DENND3: variants seen among roughly 807,000 people sequenced by gnomAD.
DENND3 encodes the protein DENN domain-containing protein 3.
Under a neutral mutation model 135.1 loss-of-function variants are expected in DENND3, and 88 were observed. That is an observed-to-expected ratio of 0.65 (90% confidence interval 0.55 to 0.78). DENND3 has a LOEUF of 0.78. Among genes scored for constraint, DENND3 ranks in the 30% least tolerant of loss-of-function variants. DENND3 has a pLI of 0.00. For missense variants in DENND3, 1,392 were observed against 1,688.4 expected, an observed-to-expected ratio of 0.82 and a Z score of 3.08; for synonymous variants, 693 against 712.3, an observed-to-expected ratio of 0.97 and a Z score of 0.43.
rs1017866106 is a variant in DENND3 at position 141,146,979 on chromosome 8, C to T, written c.735+2720C>T. 1.3e-5 allele frequency among the ~76,000 whole-genome samples: 2 copies of T among 152,166 alleles called. No individual in the cohort carries two copies. Among genetic ancestry groups the T allele is most frequent in the Admixed American group, 6.5e-5 (1 of 15,270 alleles). ...AGGGTCAGCAGTAATGAGCTGCACT[C>T]GGCCTTTGAACATAAGGAATGCGTG... On this transcript the variant is annotated intron_variant, in intron 5 of 22. Transcript: ENST00000519811. The surrounding 1 kb of genome is among the most constrained non-coding windows in gnomAD (Gnocchi z 4.3).
intron 13 of DENND3, among the ~76,000 whole-genome samples, chr8:141,170,011 G>A (rs984103355): frequency 6.6e-6 from 1 of 152,226 alleles, no homozygotes; most frequent in African/African-American, 2.4e-5. Context: ...CGGGCTTGGC[G>A]GGGGCCGCGC....
chr8:141,166,226 C>A lies in DENND3; in HGVS notation c.1590C>A (p.Thr530=). The change falls in exon 12 of 23, where the codon ACC becomes ACA. Residue 530 remains threonine (T), a synonymous_variant. Transcript: ENST00000519811. This position sits in a 1 kb window ranked among gnomAD's most constrained non-coding sequence, Gnocchi z 4.3. ...NGMLLSPRRP[T]VEKRASRKSS... ...TGCTTCTAAGTCCAAGGAGACCGAC[C>A]GTTGAGAAAAGAGCCTCCCGGAAGT... 6.2e-7 allele frequency: 1 copy of A among 1,614,180 alleles called. No individual in the cohort carries two copies. The highest frequency in any genetic ancestry group is 8.5e-7 in the Non-Finnish European group (1 of 1,180,034).
chr8:141,160,324 G>A (rs1262253253), intron 8 of DENND3, among the ~76,000 whole-genome samples: 4 of 152,026 alleles, frequency 2.6e-5, no homozygotes, highest in Non-Finnish European at 5.9e-5. Flanking sequence ...GATTACAGGT[G>A]CCTGCCACCA....
intron 4 of DENND3, chr8:141,143,075 G>A (rs1302183135): frequency 6.6e-6 from 1 of 152,100 alleles, no homozygotes; most frequent in East Asian, 1.9e-4. Context: ...TAGAAGGGGC[G>A]AAATACAGAA....
intron 6 of DENND3, among the ~76,000 whole-genome samples, chr8:141,151,305 A>G (rs1162172603): frequency 6.6e-6 from 1 of 152,178 alleles, no homozygotes; most frequent in Non-Finnish European, 1.5e-5. Flanking sequence ...TCATGCCTGT[A>G]ATCCCAGTAC....
chr8:141,189,707 G>C (rs958085452), intron 19 of DENND3, among the ~76,000 whole-genome samples: 2 of 152,110 alleles, frequency 1.3e-5, no homozygotes, highest in African/African-American at 4.8e-5. Flanking sequence ...TTTTTCCCCT[G>C]ACTTAGTGTC....
chr8:141,192,116 G>T (rs968807423), intron 20 of DENND3: 5 of 512,116 alleles, frequency 9.8e-6, no homozygotes, highest in South Asian at 3.7e-5. Context: ...ATATATTTAC[G>T]TTTTCTGGTG....
At position 141,141,440 on chromosome 8, in the gene DENND3, C is replaced by A; in HGVS notation, c.623+116C>A. The stretch of plus-strand genomic sequence containing the variant: ...GGGGGGGCAGCTCTCTGTTCCTCTC[C>A]TGGTGAGCCGGGGGACCGGGCGCTG... On this transcript the variant is annotated intron_variant, in intron 4 of 22. Coordinates refer to ENST00000519811, the MANE Select transcript of DENND3 (RefSeq NM_001352890.3). This position sits in a 1 kb window ranked among gnomAD's most constrained non-coding sequence, Gnocchi z 5.3. 1.5e-6 allele frequency: 2 copies of A among 1,305,602 alleles called. No homozygotes were observed. 80.9% of individuals were successfully genotyped at this position (1,305,602 alleles called of 1,614,324 possible). A position where few individuals can be genotyped will look rare whatever the true frequency, so the allele number is the denominator to read the frequency against.
At position 141,175,514 on chromosome 8, in the gene DENND3, T is replaced by A; in HGVS notation, c.2535+55T>A. 1 of 1,612,286 alleles carries A rather than the reference T, an allele frequency of 6.2e-7. No individual in the cohort carries two copies. The highest frequency in any genetic ancestry group is 8.5e-7 in the Non-Finnish European group (1 of 1,179,896). On this transcript the variant is annotated intron_variant, in intron 14 of 22. Transcript: ENST00000519811. The surrounding 1 kb of genome is among the most constrained non-coding windows in gnomAD (Gnocchi z 5.4). ...ACCCCACCTGTGTTTAGGAGACAGA[T>A]GGCTGGAGTGGGCCCTGAGCAGTCT...
In DENND3 at chr8:141,194,240, C is replaced by T; in HGVS notation, c.*7C>T. The T allele has an allele frequency of 1.9e-6, 3 of 1,610,436 alleles. No individual in the cohort carries two copies. The highest frequency in any genetic ancestry group is 1.7e-6 in the Non-Finnish European group (2 of 1,179,112). ...CATTTGGAAAGGCGAATAAACGTGG[C>T]TGAGTCTGCCAAGTGGAACTGTGCC... On this transcript the variant is annotated 3_prime_UTR_variant, in exon 23 of 23. Transcript: ENST00000519811.
Position 141,144,041 on chromosome 8 carries a change from T to A in DENND3, c.624-107T>A. ...TGCTTTTGGTGAAAGGTCCTGGAGC[T>A]GCTGCTGCAGACGCTGGGGAGATTC... On this transcript the variant is annotated intron_variant, in intron 4 of 22. Coordinates refer to ENST00000519811, the MANE Select transcript of DENND3 (RefSeq NM_001352890.3). The surrounding 1 kb of genome is among the most constrained non-coding windows in gnomAD (Gnocchi z 4.4). The A allele has an allele frequency of 1.1e-6, 1 of 951,094 alleles. No individual in the cohort carries two copies. The highest frequency in any genetic ancestry group is 1.6e-6 in the Non-Finnish European group (1 of 642,582). The allele number at this position is 951,094 out of a possible 1,614,324, so 58.9% of individuals were successfully genotyped here. A position where few individuals can be genotyped will look rare whatever the true frequency, so the allele number is the denominator to read the frequency against.
rs1426020609 is a variant in DENND3 at position 141,137,729 on chromosome 8, G to A, written c.386-293G>A. On this transcript the variant is annotated intron_variant, in intron 2 of 22. Coordinates refer to ENST00000519811, the MANE Select transcript of DENND3 (RefSeq NM_001352890.3). This position sits in a 1 kb window ranked among gnomAD's most constrained non-coding sequence, Gnocchi z 4.1. ...CCTCAGAACTTGGTGCTATTTCCTG[G>A]TCACAGGGATTATAAACCTGGGACA... 6.6e-6 allele frequency among the ~76,000 whole-genome samples: 1 copy of A among 152,222 alleles called. No individual in the cohort carries two copies. The highest frequency in any genetic ancestry group is 2.4e-5 in the African/African-American group (1 of 41,444).
intron 1 of DENND3, among the ~76,000 whole-genome samples, chr8:141,129,026 C>G (rs1815564120): frequency 6.6e-6 from 1 of 152,222 alleles, no homozygotes; most frequent in Non-Finnish European, 1.5e-5. Flanking sequence ...CCCCTCTTCT[C>G]TCCTCTCCCC....
chr8:141,158,593 C>T (rs1424806278), intron 8 of DENND3, among the ~76,000 whole-genome samples: 1 of 152,220 alleles, frequency 6.6e-6, no homozygotes, highest in East Asian at 1.9e-4. Flanking sequence ...GGCCTCTGAG[C>T]TCATGATACA....
intron 21 of DENND3, 27 bp from the exon 22 acceptor site, chr8:141,192,499 T>C (rs764013985): frequency 1.9e-6 from 3 of 1,611,012 alleles, no homozygotes; most frequent in East Asian, 4.5e-5. Context: ...CCGGGGCCCA[T>C]AGCCCACACC....
Position 141,168,076 on chromosome 8 carries a change from G to A in DENND3, c.1826G>A (p.Cys609Tyr). ...PEIHFPLESK[C>Y]VQAYHAHFVS... ...ATCCACTTTCCGCTGGAGAGCAAGT[G>A]CGTGCAGGCATACCATGCCCACTTT... The change falls in exon 13 of 23, where the codon TGC becomes TAC. Residue 609 changes from cysteine to tyrosine, a missense_variant. Transcript: ENST00000519811. This position sits in a 1 kb window ranked among gnomAD's most constrained non-coding sequence, Gnocchi z 6.2. 1.2e-6 allele frequency: 2 copies of A among 1,614,154 alleles called. No individual in the cohort carries two copies. The highest frequency in any genetic ancestry group is 1.7e-6 in the Non-Finnish European group (2 of 1,180,040).
At chr8:141,183,904 A>T (rs943233282) in intron 17 of DENND3, among the ~76,000 whole-genome samples, 2 of 152,118 alleles carry the variant, frequency 1.3e-5, no homozygotes, top group African/African-American at 4.8e-5. Flanking sequence ...AGGCAGAGGG[A>T]GCAGCGTGCT....
chr8:141,161,275 T>C (rs1030701771), intron 9 of DENND3, among the ~76,000 whole-genome samples: 2 of 152,218 alleles, frequency 1.3e-5, no homozygotes, highest in Non-Finnish European at 2.9e-5. Flanking sequence ...GCCATTTTGA[T>C]GTGACTCATA....
chr8:141,178,239 C>A, intron 16 of DENND3, 43 bp downstream of exon 16: 1 of 1,581,906 alleles, frequency 6.3e-7, no homozygotes, highest in Non-Finnish European at 8.7e-7. Context: ...GTCCTGATTA[C>A]ACGCCTTAAG....
Sources: gnomAD v4.1 joint callset for allele counts (sites outside exome capture counted in the v4.1 genomes callset) on GRCh38, gnomAD v4.1.1 for gene constraint, Gnocchi (gnomAD v3.1) non-coding constraint, MANE v1.5 for transcripts, NCBI Gene and HGNC (gene_info 2026-07-23, HGNC 2026-07-21) for gene names.